Variants in NDC1 observed in about 807,000 individuals in gnomAD.
NDC1 encodes NDC1 transmembrane nucleoporin, also known as nucleoporin NDC1.
In NDC1, 24 loss-of-function variants were observed where a neutral mutation model predicts 89.8. The ratio of observed to expected loss-of-function variants is 0.27; its 90% confidence interval spans 0.19 to 0.38. NDC1 has a LOEUF of 0.38. Ranked by LOEUF, NDC1 falls within the 10% of genes least tolerant of loss-of-function variation. The pLI, the probability that NDC1 is intolerant of heterozygous loss-of-function variation, is 1.00. For missense variants in NDC1, 728 were observed against 797.6 expected (o/e 0.91, Z 1.05); for synonymous variants, 296 against 284.8 (o/e 1.04, Z -0.39).
At chr1:53,805,564 C>T (rs1009347866) in intron 9 of NDC1, among the ~76,000 whole-genome samples, 1 of 152,122 alleles carries the variant, frequency 6.6e-6, no homozygotes, top group Non-Finnish European at 1.5e-5. Context: ...TTTCAACTTG[C>T]AAATTCAATC....
intron 6 of NDC1, among the ~76,000 whole-genome samples, chr1:53,814,439 C>CA (rs1325851890): frequency 6.6e-6 from 1 of 152,060 alleles, no homozygotes; most frequent in Non-Finnish European, 1.5e-5. Context: ...CTCTGGGATA[C>CA]AGCAAAGGCG....
intron 16 of NDC1, among the ~76,000 whole-genome samples, chr1:53,775,978 G>A (rs529641442): frequency 9.6e-4 from 140 of 145,392 alleles, no homozygotes; most frequent in African/African-American, 3.5e-3. Flanking sequence ...TTTTTGAGAC[G>A]GAGTCTCACT....
intron 6 of NDC1, among the ~76,000 whole-genome samples, chr1:53,814,060 A>T (rs1014871858): frequency 4.6e-5 from 7 of 152,314 alleles, no homozygotes; most frequent in Middle Eastern, 3.4e-3. Context: ...GATGGAAATT[A>T]AAAAATTTTT....
chr1:53,807,866 T>A, intron 7 of NDC1, 75 bp from the exon 8 acceptor site: 1 of 1,309,430 alleles, frequency 7.6e-7, no homozygotes, highest in African/African-American at 1.5e-5. Flanking sequence ...AGTCTCCACA[T>A]TGAGACACAA....
intron 5 of NDC1, among the ~76,000 whole-genome samples, chr1:53,820,596 C>T (rs1040182420): frequency 1.8e-4 from 28 of 151,750 alleles, no homozygotes; most frequent in African/African-American, 6.1e-4. Flanking sequence ...TTGTCTACCT[C>T]TCTCTCCTTC....
At chr1:53,779,665 A>G (rs1258695161) in intron 16 of NDC1, among the ~76,000 whole-genome samples, 2 of 152,240 alleles carry the variant, frequency 1.3e-5, no homozygotes, top group African/African-American at 2.4e-5. Context: ...TGACTCAGCC[A>G]TTTACTAGGT....
At chr1:53,815,268 C>T (rs923553273) in intron 6 of NDC1, among the ~76,000 whole-genome samples, 3 of 152,080 alleles carry the variant, frequency 2.0e-5, no homozygotes, top group African/African-American at 7.2e-5. Flanking sequence ...TAAAGTGGGT[C>T]TCATGCCAGG....
In NDC1 at chr1:53,828,158, G is replaced by C. The variant is rs1248979652; in HGVS notation, c.296C>G (p.Pro99Arg). Residue 99 changes from proline to arginine, a missense_variant, in exon 4 of 18, where the codon CCT (proline) becomes CGT (arginine). Pro to Arg is a moderately radical substitution (Grantham distance 103). Transcript: ENST00000371429. ...CCCTATCAGAGCTAGTCTGGAGCAA[G>C]GAATAGAAGGCACAACTGCAAAGGA... is the stretch of plus-strand genomic sequence containing the variant. ...VEFYAVVPSI[P>R]CSRLALIGKI... 2.5e-6 allele frequency: 4 copies of C among 1,613,816 alleles called. No individual in the cohort carries two copies. The highest frequency in any genetic ancestry group is 3.4e-6 in the Non-Finnish European group (4 of 1,179,894).
At chr1:53,781,633 C>T (rs568359338) in intron 16 of NDC1, among the ~76,000 whole-genome samples, 1 of 152,298 alleles carries the variant, frequency 6.6e-6, no homozygotes, top group East Asian at 1.9e-4. Flanking sequence ...TAGAACAGTT[C>T]CACACAATTG....
chr1:53,835,536 T>C lies in NDC1; in HGVS notation c.142A>G (p.Arg48Gly). 1 of 1,613,696 alleles carries C rather than the reference T, an allele frequency of 6.2e-7. No homozygotes were observed. The highest frequency in any genetic ancestry group is 8.5e-7 in the Non-Finnish European group (1 of 1,179,748). The stretch of plus-strand genomic sequence containing the variant: ...TGTATAGGATGAAACAAATCAATCC[T>C]GCTGAAAATTATAAATACTGTGGTG... ...ICTTVFIIFS[R>G]IDLFHPIQWL... The change falls in exon 2 of 18, where the codon AGG becomes GGG. Residue 48 changes from arginine to glycine, a missense_variant. Transcript: ENST00000371429.
At chr1:53,795,633 T>G (rs1647672068) in intron 13 of NDC1, among the ~76,000 whole-genome samples, 1 of 152,168 alleles carries the variant, frequency 6.6e-6, no homozygotes. Context: ...GCTAATCCTA[T>G]TCCATCTAAC....
chr1:53,831,016 T>C (rs1195956473), intron 3 of NDC1, among the ~76,000 whole-genome samples: 1 of 152,018 alleles, frequency 6.6e-6, no homozygotes, highest in African/African-American at 2.4e-5. Context: ...GGTGAGGAGA[T>C]TGAGACCATC....
At chr1:53,770,601 C>T (rs1647104183) in intron 17 of NDC1, among the ~76,000 whole-genome samples, 1 of 151,948 alleles carries the variant, frequency 6.6e-6, no homozygotes. Context: ...GCCTCTGCAA[C>T]CGGCCCATTC....
intron 10 of NDC1, among the ~76,000 whole-genome samples, chr1:53,803,090 G>A (rs1647975901): frequency 6.6e-6 from 1 of 152,110 alleles, no homozygotes; most frequent in Admixed American, 6.6e-5. Context: ...GAGGGGGACA[G>A]GCTCTCACTT....
At chr1:53,780,073 T>G (rs569175486) in intron 16 of NDC1, among the ~76,000 whole-genome samples, 2 of 152,146 alleles carry the variant, frequency 1.3e-5, no homozygotes, top group Admixed American at 6.6e-5. Context: ...TTTTTTTTCT[T>G]TTTTTGAGAT....
intron 15 of NDC1, among the ~76,000 whole-genome samples, chr1:53,788,700 T>C (rs369233327): frequency 1.3e-5 from 2 of 151,936 alleles, no homozygotes; most frequent in Non-Finnish European, 1.5e-5. Flanking sequence ...GTGCTGGGAT[T>C]ACAGGCGTGA....
chr1:53,832,752 T>C (rs1460313142), intron 2 of NDC1, among the ~76,000 whole-genome samples, 161 bp from the exon 3 acceptor site: 2 of 152,198 alleles, frequency 1.3e-5, no homozygotes, highest in Non-Finnish European at 2.9e-5. Context: ...TTCAATGAGA[T>C]ATCAACTCAA....
rs1647736503 is a variant in NDC1 at position 53,797,100 on chromosome 1, G to A, written c.1267C>T (p.Pro423Ser). ...GTTTTAACTAATGGTGGCACTGAAGGCCGAGGCATCTGGCTAGATTTTGGT... is the reference window on the plus strand; with the variant it reads ...GTTTTAACTAATGGTGGCACTGAAGACCGAGGCATCTGGCTAGATTTTGGT... The part of the protein sequence containing the change: ...QTPKSSQMPR[P>S]SVPPLVKTSL... The change falls in exon 12 of 18, where the codon CCT (proline) becomes TCT (serine). Residue 423 changes from proline (P) to serine (S), a missense_variant. Physicochemically the swap from Pro to Ser is moderately conservative, Grantham distance 74. Transcript: ENST00000371429. 1.2e-6 allele frequency: 2 copies of A among 1,613,970 alleles called. No homozygotes were observed. Among genetic ancestry groups the A allele is most frequent in the African/African-American group, 2.7e-5 (2 of 74,926 alleles).
intron 13 of NDC1, among the ~76,000 whole-genome samples, chr1:53,794,190 G>A (rs1647618678): frequency 6.6e-6 from 1 of 152,090 alleles, no homozygotes; most frequent in African/African-American, 2.4e-5. Context: ...TGCCCATGCT[G>A]GTCTCGAATT....
Sources: gnomAD v4.1 joint callset for allele counts (sites outside exome capture counted in the v4.1 genomes callset) on GRCh38, gnomAD v4.1.1 for gene constraint, MANE v1.5 for transcripts, NCBI Gene and HGNC (gene_info 2026-07-23, HGNC 2026-07-21) for gene names.